The following DOCK3 variants were observed in gnomAD, a reference collection of about 807,000 sequenced individuals.
The protein encoded by DOCK3 is dedicator of cytokinesis protein 3.
DOCK3 carries 60 observed loss-of-function variants against 265.6 expected under a neutral mutation model. The observed-to-expected ratio is 0.23, with a 90% confidence interval of 0.18 to 0.28. DOCK3 has a LOEUF of 0.28. Ranked by LOEUF, DOCK3 falls within the 10% of genes least tolerant of loss-of-function variation. DOCK3 has a pLI of 1.00. For missense variants in DOCK3, 1,981 were observed against 2,594.3 expected (o/e 0.76, Z 5.14); for synonymous variants, 881 against 938.0 (o/e 0.94, Z 1.11).
chr3:50,951,131 C>A (rs1405427499), intron 5 of DOCK3, among the ~76,000 whole-genome samples: 1 of 152,194 alleles, frequency 6.6e-6, no homozygotes, highest in Non-Finnish European at 1.5e-5. Flanking sequence ...TATACACTTA[C>A]AGCTATTTTG....
intron 5 of DOCK3, among the ~76,000 whole-genome samples, chr3:51,008,537 A>G (rs988135657): frequency 5.3e-5 from 8 of 152,190 alleles, no homozygotes; most frequent in Non-Finnish European, 8.8e-5. Context: ...GGCTGAGACA[A>G]TGGGGTTTTC....
chr3:50,788,014 A>T, intron 2 of DOCK3: 1 of 755,638 alleles, frequency 1.3e-6, no homozygotes, highest in Non-Finnish European at 2.3e-6. Context: ...CCTTAATAGC[A>T]TGCACATCAG....
At chr3:50,790,488 T>TTTA (rs1553659748) in intron 2 of DOCK3, among the ~76,000 whole-genome samples, 2 of 151,418 alleles carry the variant, frequency 1.3e-5, no homozygotes, top group Non-Finnish European at 2.9e-5. Flanking sequence ...TTTTTTTTTT[T>TTTA]AGCAGTTATT....
chr3:51,354,999 G>T lies in DOCK3; in HGVS notation c.4225G>T (p.Ala1409Ser), dbSNP rs751632306. 8 of 1,613,708 alleles carry T rather than the reference G, an allele frequency of 5.0e-6. No individual in the cohort carries two copies. Among genetic ancestry groups the T allele is most frequent in the Non-Finnish European group, 6.8e-6 (8 of 1,179,840 alleles). ...AMQHPNHPDDAILQCDAQYLQ... is the reference protein window; with the variant it reads ...AMQHPNHPDDSILQCDAQYLQ... ...GCAGCACCCCAACCATCCTGATGAC[G>T]CCATCCTACAGTGCGATGCCCAGTG... Residue 1409 changes from alanine (A) to serine (S), a missense_variant, in exon 41 of 53, where the codon GCC (alanine) becomes TCC (serine). Transcript: ENST00000266037.
intron 27 of DOCK3, 69 bp downstream of exon 27, chr3:51,280,273 C>T (rs1576636926): frequency 1.4e-6 from 2 of 1,428,376 alleles, no homozygotes; most frequent in East Asian, 2.4e-5. Context: ...GGCTTTTTCC[C>T]TGTCAGGGGG....
intron 1 of DOCK3, among the ~76,000 whole-genome samples, chr3:50,714,577 G>A (rs1047139658): frequency 6.6e-6 from 1 of 152,112 alleles, no homozygotes; most frequent in African/African-American, 2.4e-5. Context: ...GACCTCCTGG[G>A]CTCAAGGGAC....
chr3:50,880,275 T>C (rs2047953007), intron 3 of DOCK3, among the ~76,000 whole-genome samples: 1 of 151,854 alleles, frequency 6.6e-6, no homozygotes, highest in South Asian at 2.1e-4. Context: ...AAGAAATAAC[T>C]AAGAGCAGAA....
intron 2 of DOCK3, among the ~76,000 whole-genome samples, chr3:50,793,445 A>G (rs573876372): frequency 2.0e-5 from 3 of 146,454 alleles, no homozygotes; most frequent in Non-Finnish European, 4.5e-5. Flanking sequence ...TGCAACCTCT[A>G]CGTCCTGGCT....
At chr3:50,739,862 A>G (rs2038900802) in intron 1 of DOCK3, among the ~76,000 whole-genome samples, 2 of 152,176 alleles carry the variant, frequency 1.3e-5, no homozygotes, top group Admixed American at 1.3e-4. Context: ...TCACCTTGAC[A>G]TTAAAAAAAT....
rs782019100 is a variant in DOCK3, at chr3:51,381,532, C to T, written c.6066C>T (p.Ala2022=). The T allele has an allele frequency of 3.6e-5, 56 of 1,559,878 alleles. 1 individual carries two copies. In the Middle Eastern group the frequency reaches 1.3e-3, roughly 35 times the overall value. The change falls in exon 53 of 53, where the codon GCC becomes GCT. Residue 2022 remains alanine (A), a synonymous_variant. Transcript: ENST00000266037. This position sits in a 1 kb window ranked among gnomAD's most constrained non-coding sequence, Gnocchi z 5.6. The part of the protein sequence containing the change: ...GSAKEEQARM[A]WEHGRGEQ ...CTAAGGAGGAGCAGGCCCGCATGGC[C>T]TGGGAGCACGGCCGAGGGGAGCAGT...
intron 32 of DOCK3, among the ~76,000 whole-genome samples, chr3:51,316,978 A>G (rs915465867): frequency 4.6e-5 from 7 of 152,108 alleles, no homozygotes; most frequent in South Asian, 2.1e-4. Flanking sequence ...CAGTTTGTCA[A>G]TGTTTTTCTT....
intron 1 of DOCK3, among the ~76,000 whole-genome samples, chr3:50,758,197 G>A (rs67943625): frequency 0.46 from 22,782 of 49,372 alleles, 7,695 homozygotes; most frequent in East Asian, 0.72. Flanking sequence ...AAAAAAAAAA[G>A]AAAAAAAAAA....
At chr3:50,975,027 A>G (rs1346628506) in intron 5 of DOCK3, among the ~76,000 whole-genome samples, 1 of 151,502 alleles carries the variant, frequency 6.6e-6, no homozygotes, top group Non-Finnish European at 1.5e-5. Flanking sequence ...TTATCAGCTT[A>G]AGGAGATTTT....
At chr3:51,372,141 C>T (rs2087735695) in intron 49 of DOCK3, among the ~76,000 whole-genome samples, 1 of 152,176 alleles carries the variant, frequency 6.6e-6, no homozygotes, top group Non-Finnish European at 1.5e-5. Context: ...TGTGAGTTGA[C>T]AGCTCCCCCT....
chr3:51,249,662 C>G (rs1314268364), intron 22 of DOCK3, among the ~76,000 whole-genome samples: 1 of 123,948 alleles, frequency 8.1e-6, no homozygotes, highest in Non-Finnish European at 1.7e-5. Flanking sequence ...GGGGGGTCAG[C>G]CCCCCACCCG....
At chr3:51,380,917 G>A (rs2241784) in intron 52 of DOCK3, 133 bp from the exon 53 acceptor site, 940,005 of 1,159,020 alleles carry the variant, frequency 0.81, 385,209 homozygotes, top group Middle Eastern at 0.84. Context: ...GGAGCTTGCT[G>A]CTGAAGAAAC....
chr3:51,067,454 T>TGTGTGTGTGC (rs767323623), intron 6 of DOCK3, among the ~76,000 whole-genome samples: 123 of 149,972 alleles, frequency 8.2e-4, no homozygotes, highest in Non-Finnish European at 1.6e-3. Context: ...TGTGTGTGTG[T>TGTGTGTGTGC]GTGCGCGCGC....
At chr3:50,808,072 A>G (rs909174771) in intron 2 of DOCK3, among the ~76,000 whole-genome samples, 2 of 152,200 alleles carry the variant, frequency 1.3e-5, no homozygotes, top group East Asian at 1.9e-4. Context: ...TTTTTTCTCT[A>G]TGTTTGCAAA....
chr3:50,735,912 T>G (rs1328911381), intron 1 of DOCK3, among the ~76,000 whole-genome samples: 1 of 152,192 alleles, frequency 6.6e-6, no homozygotes, highest in Non-Finnish European at 1.5e-5. Context: ...TTTTTTGTTT[T>G]AATTATACTT....
Sources: allele counts gnomAD v4.1 joint callset (sites outside exome capture counted in the v4.1 genomes callset), GRCh38; gene constraint gnomAD v4.1.1; non-coding constraint Gnocchi (gnomAD v3.1); transcripts MANE v1.5; gene names NCBI Gene and HGNC (gene_info 2026-07-23, HGNC 2026-07-21).